The following PCDH11X variants were observed in gnomAD, a reference collection of about 807,000 sequenced individuals.
PCDH11X encodes the protein protocadherin-11 X-linked.
Under a neutral mutation model 53.3 loss-of-function variants are expected in PCDH11X, and 18 were observed. The ratio of observed to expected loss-of-function variants is 0.34; its 90% CI spans 0.23 to 0.50. The LOEUF (loss-of-function observed/expected upper bound fraction) is 0.50, where lower values mean the gene tolerates loss of function less well. Among genes scored for constraint, PCDH11X ranks in the 20% least tolerant of loss-of-function variants. The pLI, the probability that PCDH11X is intolerant of heterozygous loss-of-function variation, is 0.98. For missense variants in PCDH11X, 570 were observed against 1,032.4 expected (o/e 0.55, Z 6.14); for synonymous variants, 279 against 393.3 (o/e 0.71, Z 3.44).
In PCDH11X at chrX:92,621,868, TTCAA is replaced by T; in HGVS notation, c.*2933_*2936del. On this transcript the variant is annotated 3_prime_UTR_variant, in exon 11 of 11. Coordinates refer to ENST00000682573, the MANE Select transcript of PCDH11X (RefSeq NM_032968.5). Reference sequence around the variant, plus strand: ...GAATGACTTATATGAGAATAATACGTTCAATCAAAGTAGTTATTCTATTTTGTGT... The same window carrying T: ...GAATGACTTATATGAGAATAATACGTTCAAAGTAGTTATTCTATTTTGTGT... 9.0e-6 allele frequency: 1 copy of T among 111,192 alleles called. No individual in the cohort carries two copies. Among genetic ancestry groups the T allele is most frequent in the East Asian group, 2.9e-4 (1 of 3,491 alleles). The allele number at this position is 111,192 out of a possible 1,213,427, so 9.2% of individuals were successfully genotyped here.
chrX:92,256,354 G>A (rs1010165256), intron 7 of PCDH11X, among the ~76,000 whole-genome samples: 1 of 111,252 alleles, frequency 9.0e-6, no homozygotes, highest in African/African-American at 3.3e-5. Flanking sequence ...GCACTCCCTA[G>A]TGAGATGAAC....
intron 1 of PCDH11X, among the ~76,000 whole-genome samples, chrX:91,793,905 T>A (rs1298364512): frequency 1.8e-5 from 2 of 111,880 alleles, no homozygotes; most frequent in Admixed American, 1.9e-4. Flanking sequence ...GGGTGAATAG[T>A]TTTATCCACT....
intron 10 of PCDH11X, among the ~76,000 whole-genome samples, chrX:92,492,198 T>G (rs2073778275): frequency 8.9e-6 from 1 of 112,260 alleles, no homozygotes; most frequent in African/African-American, 3.2e-5. Flanking sequence ...TATTTATTAT[T>G]TTTTGTGCTA....
intron 9 of PCDH11X, among the ~76,000 whole-genome samples, chrX:92,451,154 G>GT (rs1269274740): frequency 9.1e-6 from 1 of 110,288 alleles, no homozygotes; most frequent in Non-Finnish European, 1.9e-5. Context: ...CAAGAAGTTT[G>GT]TTTGCAGTTT....
chrX:92,408,751 T>G lies in PCDH11X; in HGVS notation c.3343+20818T>G, dbSNP rs2071580567. The stretch of plus-strand genomic sequence containing the variant: ...GTGCCTGCCACCATGCCGGGCTAAT[T>G]TTTTGTGTTTTTAGTAAAGACGGGG... On this transcript the variant is annotated intron_variant, in intron 9 of 10. Coordinates refer to ENST00000682573, the MANE Select transcript of PCDH11X (RefSeq NM_032968.5). Among the ~76,000 whole-genome samples the G allele has an allele frequency of 3.7e-5, 4 of 109,484 alleles. No individual in the cohort carries two copies. The Admixed American group carries it at 3.9e-4, about 11-fold the overall frequency.
At chrX:91,941,471 T>C (rs771504413) in intron 6 of PCDH11X, among the ~76,000 whole-genome samples, 70 of 109,718 alleles carry the variant, frequency 6.4e-4, no homozygotes, top group African/African-American at 2.3e-3. Context: ...TCAAGCAAGA[T>C]AGTTCATAAT....
At chrX:91,810,673 G>T (rs1936266700) in intron 3 of PCDH11X, 95 bp downstream of exon 3, 1 of 111,930 alleles carries the variant, frequency 8.9e-6, no homozygotes. Context: ...CTAAGATCAG[G>T]TTCATAACTG....
intron 6 of PCDH11X, among the ~76,000 whole-genome samples, chrX:92,097,805 C>T (rs772547029): frequency 4.2e-4 from 47 of 110,753 alleles, no homozygotes; most frequent in African/African-American, 1.5e-3. Context: ...ACGCTCAAGT[C>T]CCTTATATAA....
intron 8 of PCDH11X, among the ~76,000 whole-genome samples, chrX:92,296,958 CTTA>C (rs1014414777): frequency 4.1e-5 from 3 of 73,608 alleles, no homozygotes; most frequent in African/African-American, 1.6e-4. Flanking sequence ...GAGATGGTAT[CTTA>C]TTGTTGTTTT....
At chrX:92,540,862 T>A (rs2074744966) in intron 10 of PCDH11X, among the ~76,000 whole-genome samples, 1 of 107,927 alleles carries the variant, frequency 9.3e-6, no homozygotes, top group African/African-American at 3.4e-5. Context: ...TGAGCCAGAA[T>A]GGGGACCTCA....
chrX:91,997,956 CAG>C (rs2062447398), intron 6 of PCDH11X, among the ~76,000 whole-genome samples: 2 of 105,517 alleles, frequency 1.9e-5, no homozygotes, highest in Admixed American at 1.0e-4. Context: ...TTTCTTGAGA[CAG>C]AGTCTCATTC....
In PCDH11X at chrX:92,619,750, T is replaced by C. The variant is rs1928351784; in HGVS notation, c.*810T>C. The C allele has an allele frequency of 9.0e-6, 1 of 111,330 alleles. No homozygotes were observed. Among genetic ancestry groups the C allele is most frequent in the African/African-American group, 3.3e-5 (1 of 30,539 alleles). The allele number at this position is 111,330 out of a possible 1,213,427, so 9.2% of individuals were successfully genotyped here. Reference sequence around the variant, plus strand: ...GTAAAGTACATCAGAAATAAAGCTGTATCTGCCATTTTAAGCCTGTAGTCC... The same window carrying C: ...GTAAAGTACATCAGAAATAAAGCTGCATCTGCCATTTTAAGCCTGTAGTCC... On this transcript the variant is annotated 3_prime_UTR_variant, in exon 11 of 11. Coordinates refer to ENST00000682573, the MANE Select transcript of PCDH11X (RefSeq NM_032968.5).
At chrX:92,441,083 G>A (rs138786879) in intron 9 of PCDH11X, among the ~76,000 whole-genome samples, 1,255 of 109,754 alleles carry the variant, frequency 0.011, 17 homozygotes, top group East Asian at 0.043. Context: ...GGGATTTGTG[G>A]TACTTTGAAC....
chrX:92,307,800 T>C (rs1361296702), intron 8 of PCDH11X, among the ~76,000 whole-genome samples: 7 of 103,651 alleles, frequency 6.8e-5, no homozygotes, highest in African/African-American at 2.4e-4. Context: ...AAAATCAGTG[T>C]AATACATTAC....
chrX:92,243,561 CA>C (rs1301021378), intron 7 of PCDH11X, among the ~76,000 whole-genome samples: 1 of 110,561 alleles, frequency 9.0e-6, no homozygotes. Context: ...TATTCTTTTT[CA>C]GAATTGTTTT....
At chrX:91,990,383 C>G (rs2062302863) in intron 6 of PCDH11X, among the ~76,000 whole-genome samples, 1 of 101,834 alleles carries the variant, frequency 9.8e-6, no homozygotes, top group Admixed American at 1.1e-4. Context: ...TTTGTGGTTG[C>G]TTGTTGGGAG....
chrX:92,438,239 A>G (rs1290146722), intron 9 of PCDH11X, among the ~76,000 whole-genome samples: 2 of 111,988 alleles, frequency 1.8e-5, no homozygotes, highest in African/African-American at 6.5e-5. Flanking sequence ...TGTTTTAAAA[A>G]TTGCATGTAT....
At chrX:92,152,966 A>G (rs1381570128) in intron 6 of PCDH11X, among the ~76,000 whole-genome samples, 1 of 105,672 alleles carries the variant, frequency 9.5e-6, no homozygotes, top group African/African-American at 3.5e-5. Context: ...TTGTATTTTT[A>G]GTAGAGATGG....
At chrX:92,130,345 TA>T (rs1169465496) in intron 6 of PCDH11X, among the ~76,000 whole-genome samples, 4 of 110,771 alleles carry the variant, frequency 3.6e-5, no homozygotes, top group Non-Finnish European at 5.7e-5. Flanking sequence ...TTTACATCTT[TA>T]AAAAAAATTT....
Sources: allele counts gnomAD v4.1 joint callset (sites outside exome capture counted in the v4.1 genomes callset), GRCh38; gene constraint gnomAD v4.1.1; transcripts MANE v1.5; gene names NCBI Gene and HGNC (gene_info 2026-07-23, HGNC 2026-07-21).